The following TANC1 variants were observed in gnomAD, a reference collection of about 807,000 sequenced individuals.
The protein encoded by TANC1 is protein TANC1.
A neutral mutation model predicts 149.7 loss-of-function variants in TANC1; 77 were observed. That is an observed-to-expected ratio of 0.51 (90% CI 0.43 to 0.62). The LOEUF (loss-of-function observed/expected upper bound fraction) is 0.62, where lower values mean the gene tolerates loss of function less well. Among genes scored for constraint, TANC1 ranks in the 20% least tolerant of loss-of-function variants. The pLI is 0.00. For synonymous variants in TANC1, 854 were observed against 925.0 expected, an observed-to-expected ratio of 0.92 and a Z score of 1.39; for missense variants, 1,985 against 2,321.8, an observed-to-expected ratio of 0.85 and a Z score of 2.98.
intron 14 of TANC1, among the ~76,000 whole-genome samples, chr2:159,182,650 C>T (rs775748993): frequency 2.6e-5 from 4 of 152,112 alleles, no homozygotes; most frequent in Non-Finnish European, 2.9e-5. Context: ...TCATGTGTTC[C>T]TCTCACCCCT....
At chr2:159,132,655 A>AT (rs35719354) in intron 4 of TANC1, among the ~76,000 whole-genome samples, 4,830 of 127,204 alleles carry the variant, frequency 0.038, 298 homozygotes, top group African/African-American at 0.13. Flanking sequence ...CACCCAGCTA[A>AT]TTTTTTTTTT....
intron 19 of TANC1, among the ~76,000 whole-genome samples, chr2:159,212,492 G>C (rs2059055693): frequency 6.6e-6 from 1 of 152,146 alleles, no homozygotes; most frequent in Non-Finnish European, 1.5e-5. Flanking sequence ...CACAGTTCTT[G>C]GGACAGACTG....
chr2:159,167,059 T>G lies in TANC1; in HGVS notation c.947-2191T>G, dbSNP rs2054674622. Among the ~76,000 whole-genome samples, 3 of 152,362 alleles carry G rather than the reference T, an allele frequency of 2.0e-5. No individual in the cohort carries two copies. The South Asian group carries it at 6.2e-4, about 32-fold the overall frequency. Reference sequence around the variant, plus strand: ...AATCCTTTATTTGGAATGTCTTTTATGGTCACATATTTTTAATCCTTTCAG... The same window carrying G: ...AATCCTTTATTTGGAATGTCTTTTAGGGTCACATATTTTTAATCCTTTCAG... On this transcript the variant is annotated intron_variant, in intron 8 of 26. Coordinates refer to ENST00000263635, the MANE Select transcript of TANC1 (RefSeq NM_033394.3).
rs138350360 is a variant in TANC1 at position 159,116,789 on chromosome 2, A to G, written c.259+18955A>G. On this transcript the variant is annotated intron_variant, in intron 4 of 26. Coordinates refer to ENST00000263635, the MANE Select transcript of TANC1 (RefSeq NM_033394.3). Reference sequence around the variant, plus strand: ...ATGGAAACTTAGCATTTATTCAACCATGTGCTAGACACTGCATGAACATTT... The same window carrying G: ...ATGGAAACTTAGCATTTATTCAACCGTGTGCTAGACACTGCATGAACATTT... Among the ~76,000 whole-genome samples the G allele has an allele frequency of 2.8e-3, 429 of 152,332 alleles. 3 individuals carry two copies. Among genetic ancestry groups the G allele is most frequent in the African/African-American group, 9.3e-3 (385 of 41,570 alleles).
At chr2:159,066,142 C>A (rs1395204271) in intron 3 of TANC1, among the ~76,000 whole-genome samples, 171 bp downstream of exon 3, 1 of 152,154 alleles carries the variant, frequency 6.6e-6, no homozygotes, top group Non-Finnish European at 1.5e-5. Flanking sequence ...ACATGGTGAC[C>A]CACACCTGTA....
rs1483024688 is a variant in TANC1 at position 159,070,501 on chromosome 2, T to C, written c.61+4530T>C. On this transcript the variant is annotated intron_variant, in intron 3 of 26. Transcript: ENST00000263635. ...GTTTGAACAAACGTGTAATGACATATCTACCATTGTTGTATCACAGAGTAG... is the reference window on the plus strand; with the variant it reads ...GTTTGAACAAACGTGTAATGACATACCTACCATTGTTGTATCACAGAGTAG... Among the ~76,000 whole-genome samples, 5 of 152,252 alleles carry C rather than the reference T, an allele frequency of 3.3e-5. No individual in the cohort carries two copies. In the East Asian group the frequency reaches 9.6e-4, roughly 29 times the overall value.
intron 16 of TANC1, 68 bp from the exon 17 acceptor site, chr2:159,194,189 C>A: frequency 7.8e-7 from 1 of 1,274,924 alleles, no homozygotes; most frequent in Non-Finnish European, 1.1e-6. Context: ...ATTGAGGATA[C>A]TGCCCATTTC....
chr2:159,058,981 C>T (rs546358609), intron 2 of TANC1, among the ~76,000 whole-genome samples: 1 of 152,202 alleles, frequency 6.6e-6, no homozygotes, highest in South Asian at 2.1e-4. Flanking sequence ...ATTTCATGCC[C>T]AGAACTCTTT....
intron 2 of TANC1, among the ~76,000 whole-genome samples, chr2:159,018,430 G>A (rs182678344): frequency 6.6e-6 from 1 of 152,270 alleles, no homozygotes; most frequent in Admixed American, 6.5e-5. Flanking sequence ...CTAGCAAACA[G>A]TAGCAGACAA....
intron 1 of TANC1, among the ~76,000 whole-genome samples, chr2:158,994,089 A>G (rs2035926764): frequency 6.6e-6 from 1 of 152,136 alleles, no homozygotes; most frequent in Non-Finnish European, 1.5e-5. Context: ...GGGGATTTCT[A>G]TCTCAGGGTA....
rs1323820301 is a variant in TANC1, at chr2:159,194,285, C to T, written c.2771C>T (p.Ala924Val). The T allele has an allele frequency of 6.2e-7, 1 of 1,613,952 alleles. No homozygotes were observed. Among genetic ancestry groups the T allele is most frequent in the Non-Finnish European group, 8.5e-7 (1 of 1,179,922 alleles). ...AGCCGTCTCCTGATTTTGGGAGGGGCCAACGTGAACTACAGGACAGAAGTG... is the reference window on the plus strand; with the variant it reads ...AGCCGTCTCCTGATTTTGGGAGGGGTCAACGTGAACTACAGGACAGAAGTG... ...KVSRLLILGG[A>V]NVNYRTEVLN... Residue 924 changes from alanine to valine, a missense_variant, in exon 17 of 27, where the codon GCC (alanine) becomes GTC (valine). Around this residue, in one of 3 missense-constraint regions of TANC1, gnomAD observed 508 missense variants for 714.2 expected, o/e 0.71. Coordinates refer to ENST00000263635, the MANE Select transcript of TANC1 (RefSeq NM_033394.3).
At chr2:159,177,531 A>G (rs930576992) in intron 13 of TANC1, among the ~76,000 whole-genome samples, 1 of 152,188 alleles carries the variant, frequency 6.6e-6, no homozygotes, top group African/African-American at 2.4e-5. Context: ...TTCAGTTTGT[A>G]TATTTTTCAG....
intron 2 of TANC1, among the ~76,000 whole-genome samples, chr2:159,059,888 T>TTGTGTGTGTG (rs140659801): frequency 0.15 from 16,791 of 114,456 alleles, 1,492 homozygotes; most frequent in Non-Finnish European, 0.18. Flanking sequence ...GCAGACCTCT[T>TTGTGTGTGTG]TGTGTGTGTG....
chr2:159,208,962 T>TGTGTCTAAAC (rs770470548), intron 19 of TANC1, among the ~76,000 whole-genome samples: 21 of 152,248 alleles, frequency 1.4e-4, no homozygotes, highest in Non-Finnish European at 2.6e-4. Context: ...TAAATACTTG[T>TGTGTCTAAAC]GTGTCTAAAC....
intron 1 of TANC1, among the ~76,000 whole-genome samples, chr2:158,996,779 T>C (rs1241422983): frequency 2.0e-5 from 3 of 152,216 alleles, no homozygotes; most frequent in African/African-American, 7.2e-5. Context: ...TAGACATAAG[T>C]ATTGTAGTAC....
At chr2:159,135,885 G>T (rs538419782) in intron 4 of TANC1, among the ~76,000 whole-genome samples, 11 of 152,220 alleles carry the variant, frequency 7.2e-5, no homozygotes, top group Non-Finnish European at 1.5e-4. Flanking sequence ...CAGCTGTAGC[G>T]ACTTCACAGC....
At chr2:159,125,616 GTC>G (rs1353941864) in intron 4 of TANC1, among the ~76,000 whole-genome samples, 1 of 121,440 alleles carries the variant, frequency 8.2e-6, no homozygotes, top group African/African-American at 3.1e-5. Flanking sequence ...TTTTGACAGA[GTC>G]TTACTCTGTT....
intron 4 of TANC1, among the ~76,000 whole-genome samples, chr2:159,132,677 TA>T (rs1219782543): frequency 1.5e-5 from 2 of 129,356 alleles, no homozygotes; most frequent in African/African-American, 5.6e-5. Context: ...TTTTTTTTTT[TA>T]AGTAGAGATG....
At chr2:159,166,003 T>C (rs2054567437) in intron 8 of TANC1, among the ~76,000 whole-genome samples, 1 of 152,226 alleles carries the variant, frequency 6.6e-6, no homozygotes, top group African/African-American at 2.4e-5. Context: ...ATAAGTTGGC[T>C]AGGTTTAAAG....
Sources: gnomAD v4.1 joint callset for allele counts (sites outside exome capture counted in the v4.1 genomes callset) on GRCh38, gnomAD v4.1.1 for gene constraint, gnomAD v4.1.1 regional missense constraint, MANE v1.5 for transcripts, NCBI Gene and HGNC (gene_info 2026-07-23, HGNC 2026-07-21) for gene names.